The following OSTM1 variants were observed in gnomAD, a reference collection of about 807,000 sequenced individuals.
OSTM1 encodes osteopetrosis-associated transmembrane protein 1.
A neutral mutation model predicts 35.4 loss-of-function variants in OSTM1; 26 were observed. The ratio of observed to expected loss-of-function variants is 0.73; its 90% CI spans 0.54 to 1.02. The LOEUF is 1.02. Ranked by LOEUF, OSTM1 falls within the 50% of genes least tolerant of loss-of-function variation. The pLI, the probability that OSTM1 is intolerant of heterozygous loss-of-function variation, is 0.00. For synonymous variants in OSTM1, 181 were observed against 165.0 expected, an observed-to-expected ratio of 1.10 and a Z score of -0.75; for missense variants, 366 against 409.6, an observed-to-expected ratio of 0.89 and a Z score of 0.92.
chr6:108,071,837 C>T (rs1772491850), intron 1 of OSTM1, among the ~76,000 whole-genome samples: 1 of 152,158 alleles, frequency 6.6e-6, no homozygotes, highest in Admixed American at 6.5e-5. Flanking sequence ...TATCCACTTC[C>T]TTTCACATCA....
intron 2 of OSTM1, chr6:108,060,833 A>G (rs915977560): frequency 3.3e-5 from 5 of 152,222 alleles, no homozygotes; most frequent in Admixed American, 3.3e-4. Context: ...ATCTGAAGGT[A>G]GTGAGTTATC....
intron 2 of OSTM1, among the ~76,000 whole-genome samples, chr6:108,056,607 T>C (rs1359770689): frequency 6.6e-6 from 1 of 152,154 alleles, no homozygotes; most frequent in African/African-American, 2.4e-5. Context: ...GAAAAAGATA[T>C]TCCCTCTGGG....
chr6:108,057,410 T>C (rs1001541780), intron 2 of OSTM1, among the ~76,000 whole-genome samples: 2 of 152,218 alleles, frequency 1.3e-5, no homozygotes, highest in African/African-American at 4.8e-5. Flanking sequence ...CACAATTTCA[T>C]TCACAACAGT....
intron 1 of OSTM1, chr6:108,073,584 C>G (rs1772525759): frequency 6.6e-6 from 1 of 152,258 alleles, no homozygotes; most frequent in Non-Finnish European, 1.5e-5. Flanking sequence ...CCTTTTATCC[C>G]CATTTTACAG....
At chr6:108,059,581 A>G (rs1172693058) in intron 2 of OSTM1, among the ~76,000 whole-genome samples, 2 of 152,206 alleles carry the variant, frequency 1.3e-5, no homozygotes, top group African/African-American at 4.8e-5. Context: ...TTTGGGCAGT[A>G]TACTCATTTT....
At chr6:108,049,120 TA>T in intron 5 of OSTM1, 132 bp downstream of exon 5, 1 of 665,656 alleles carries the variant, frequency 1.5e-6, no homozygotes. Flanking sequence ...AGCATGATTG[TA>T]AAACTTAAAG....
At chr6:108,045,129 A>C (rs1771944809) in intron 5 of OSTM1, among the ~76,000 whole-genome samples, 1 of 152,172 alleles carries the variant, frequency 6.6e-6, no homozygotes, top group African/African-American at 2.4e-5. Flanking sequence ...ACGTGAAATA[A>C]ATGTACTTAG....
At chr6:108,071,035 A>C (rs1772474173) in intron 1 of OSTM1, among the ~76,000 whole-genome samples, 1 of 148,972 alleles carries the variant, frequency 6.7e-6, no homozygotes, top group Admixed American at 6.7e-5. Flanking sequence ...AAAAATATAA[A>C]AAATCAGCCG....
intron 2 of OSTM1, among the ~76,000 whole-genome samples, chr6:108,061,310 T>C (rs1772266336): frequency 1.3e-5 from 2 of 152,154 alleles, no homozygotes; most frequent in Admixed American, 6.5e-5. Flanking sequence ...TGATAAAAGC[T>C]AAGCTACTTA....
At chr6:108,057,058 G>A (rs1285575757) in intron 2 of OSTM1, among the ~76,000 whole-genome samples, 2 of 152,142 alleles carry the variant, frequency 1.3e-5, no homozygotes, top group Non-Finnish European at 2.9e-5. Flanking sequence ...GTGAAAACCT[G>A]TCTCTACAAA....
rs1410116930 is a variant in OSTM1 at position 108,074,418 on chromosome 6, C to G, written c.234G>C (p.Pro78=). 2.6e-6 allele frequency: 4 copies of G among 1,564,842 alleles called. No individual in the cohort carries two copies. The East Asian group carries it at 7.1e-5, about 28-fold the overall frequency. Residue 78 remains proline (P), a synonymous_variant, in exon 1 of 6, where the codon CCG becomes CCC. Coordinates refer to ENST00000193322, the MANE Select transcript of OSTM1 (RefSeq NM_014028.4). ...GCTCCCGGCACTCAGGATCCAGATCCGGCAGGTCCGGGGGCAGCGACAGAG... is the reference window on the plus strand; with the variant it reads ...GCTCCCGGCACTCAGGATCCAGATCGGGCAGGTCCGGGGGCAGCGACAGAG... ...LGPLSLPPDL[P]DLDPECRELL... is the part of the protein sequence containing the mutation.
intron 3 of OSTM1, 97 bp from the exon 4 acceptor site, chr6:108,051,295 T>C (rs1432058109): frequency 3.3e-6 from 3 of 897,562 alleles, no homozygotes; most frequent in Non-Finnish European, 5.2e-6. Flanking sequence ...CGGGAAACAA[T>C]ATGGTGTGTT....
At chr6:108,060,463 A>G (rs568932380) in intron 2 of OSTM1, among the ~76,000 whole-genome samples, 8 of 152,302 alleles carry the variant, frequency 5.3e-5, no homozygotes, top group Admixed American at 5.2e-4. Context: ...CACACTTTCA[A>G]TCTCAGCACT....
At chr6:108,053,750 G>A (rs1486030532) in intron 3 of OSTM1, among the ~76,000 whole-genome samples, 1 of 152,152 alleles carries the variant, frequency 6.6e-6, no homozygotes, top group Non-Finnish European at 1.5e-5. Flanking sequence ...ATAGGCATGA[G>A]ATACTGCACC....
intron 2 of OSTM1, among the ~76,000 whole-genome samples, chr6:108,057,059 T>A (rs1772181826): frequency 6.6e-6 from 1 of 152,098 alleles, no homozygotes; most frequent in Non-Finnish European, 1.5e-5. Context: ...TGAAAACCTG[T>A]CTCTACAAAT....
intron 2 of OSTM1, among the ~76,000 whole-genome samples, chr6:108,056,195 G>T (rs1465752612): frequency 6.6e-6 from 1 of 152,098 alleles, no homozygotes; most frequent in African/African-American, 2.4e-5. Flanking sequence ...AAACACATTT[G>T]CCCATTTAAT....
At chr6:108,059,097 T>G (rs1772228347) in intron 2 of OSTM1, among the ~76,000 whole-genome samples, 1 of 152,180 alleles carries the variant, frequency 6.6e-6, no homozygotes, top group African/African-American at 2.4e-5. Context: ...GGATACTGCT[T>G]ACCAAAGAAC....
Position 108,074,590 on chromosome 6 carries a change from C to A in OSTM1, c.62G>T (p.Gly21Val). Residue 21 changes from glycine to valine, a missense_variant, in exon 1 of 6, where the codon GGG (glycine) becomes GTG (valine). By Grantham distance (109) the Gly-to-Val change is moderately radical. Coordinates refer to ENST00000193322, the MANE Select transcript of OSTM1 (RefSeq NM_014028.4). ...RCSLPPWLPL[G>V]LLLWSGLALG... Reference sequence around the variant, plus strand: ...GGCCAGCCCCGACCACAGCAGCAGCCCCAGCGGCAGCCACGGCGGCAACGA... The same window carrying A: ...GGCCAGCCCCGACCACAGCAGCAGCACCAGCGGCAGCCACGGCGGCAACGA... 1 of 1,565,826 alleles carries A rather than the reference C, an allele frequency of 6.4e-7. No homozygotes were observed. Among genetic ancestry groups the A allele is most frequent in the Non-Finnish European group, 8.6e-7 (1 of 1,160,380 alleles).
intron 1 of OSTM1, 107 bp downstream of exon 1, chr6:108,074,143 T>C: frequency 1.8e-6 from 2 of 1,138,702 alleles, no homozygotes; most frequent in Non-Finnish European, 2.5e-6. Flanking sequence ...TCCAACCCCT[T>C]TTTCTTACTG....
Sources: gnomAD v4.1 joint callset for allele counts (sites outside exome capture counted in the v4.1 genomes callset) on GRCh38, gnomAD v4.1.1 for gene constraint, MANE v1.5 for transcripts, NCBI Gene and HGNC (gene_info 2026-07-23, HGNC 2026-07-21) for gene names.